The following EVC2 variants were observed in gnomAD, a reference collection of about 807,000 sequenced individuals.
EVC2 encodes the protein EvC ciliary complex subunit 2, also known as limbin.
EVC2 carries 148 observed loss-of-function variants against 149.3 expected under a neutral mutation model. The observed-to-expected ratio is 0.99, with a 90% CI of 0.87 to 1.14. The LOEUF (loss-of-function observed/expected upper bound fraction) is 1.14. Among genes scored for constraint, EVC2 ranks in the 50% most tolerant of loss-of-function variants. The pLI is 0.00. For missense variants in EVC2, 1,854 were observed against 1,627.3 expected (o/e 1.14, Z -2.40); for synonymous variants, 776 against 649.9 (o/e 1.19, Z -2.95).
At chr4:5,685,287 G>A (rs1324861649) in intron 6 of EVC2, 83 bp downstream of exon 6, 2 of 1,304,940 alleles carry the variant, frequency 1.5e-6, no homozygotes, top group African/African-American at 2.9e-5. Context: ...GAACTAACAG[G>A]TCTTCTGTCT....
chr4:5,542,740 C>A (rs1434663267), downstream of EVC2: 6 of 187,726 alleles, frequency 3.2e-5, no homozygotes, highest in South Asian at 6.6e-4. Flanking sequence ...GGTTATTACA[C>A]ATGAAGTGCT....
At chr4:5,568,753 T>C in intron 19 of EVC2, 113 bp from the exon 20 acceptor site, 5 of 1,222,212 alleles carry the variant, frequency 4.1e-6, no homozygotes, top group Admixed American at 2.0e-5. Context: ...AATATTTCAG[T>C]AGCTTAGTCT....
intron 16 of EVC2, among the ~76,000 whole-genome samples, chr4:5,612,481 C>G (rs796741064): frequency 5.9e-5 from 9 of 152,224 alleles, no homozygotes; most frequent in African/African-American, 2.2e-4. Flanking sequence ...GGGATTGGAG[C>G]TGGGCTTTAG....
chr4:5,599,813 T>G (rs1469173752), intron 16 of EVC2, among the ~76,000 whole-genome samples: 1 of 152,162 alleles, frequency 6.6e-6, no homozygotes, highest in Non-Finnish European at 1.5e-5. Context: ...GGGTTCAAGA[T>G]ACCCAGAGCA....
At chr4:5,654,459 T>C (rs1167145283) in intron 9 of EVC2, among the ~76,000 whole-genome samples, 4 of 152,172 alleles carry the variant, frequency 2.6e-5, no homozygotes, top group Admixed American at 1.3e-4. Flanking sequence ...TTTACATCCT[T>C]GAGGTTTCAA....
chr4:5,639,128 AC>A (rs1359163067), intron 10 of EVC2, among the ~76,000 whole-genome samples: 1 of 152,028 alleles, frequency 6.6e-6, no homozygotes, highest in Non-Finnish European at 1.5e-5. Context: ...ACCACAGATG[AC>A]CATCTGTGAG....
intron 9 of EVC2, among the ~76,000 whole-genome samples, chr4:5,645,333 T>C (rs1717635437): frequency 6.6e-6 from 1 of 151,920 alleles, no homozygotes; most frequent in Non-Finnish European, 1.5e-5. Context: ...CATGGGGGTT[T>C]GTTGTGCATA....
rs1457688911 is a variant in EVC2, at chr4:5,677,885, C to G, written c.870+3375G>C. The stretch of plus-strand genomic sequence containing the variant: ...CAGCCTCACTAAACTGAACACTCAC[C>G]TAACGCCAGCCTTGTACTTTCTCTT... On this transcript the variant is annotated intron_variant, in intron 7 of 21. Coordinates refer to ENST00000344408, the MANE Select transcript of EVC2 (RefSeq NM_147127.5). This position sits in a 1 kb window ranked among gnomAD's most constrained non-coding sequence, Gnocchi z 4.3. Among the ~76,000 whole-genome samples, 1 of 152,226 alleles carries G rather than the reference C, an allele frequency of 6.6e-6. No individual in the cohort carries two copies. Among genetic ancestry groups the G allele is most frequent in the Admixed American group, 6.5e-5 (1 of 15,284 alleles).
At chr4:5,631,583 AAT>A (rs765622018) in intron 11 of EVC2, among the ~76,000 whole-genome samples, 12 of 151,724 alleles carry the variant, frequency 7.9e-5, no homozygotes, top group Admixed American at 3.3e-4. Flanking sequence ...GGGGAACTGA[AAT>A]TCCAATCCAG....
At chr4:5,706,283 G>A (rs1396313218) in intron 1 of EVC2, among the ~76,000 whole-genome samples, 1 of 80,654 alleles carries the variant, frequency 1.2e-5, no homozygotes. Flanking sequence ...CTTAGCAAAG[G>A]TGCAATAAAT....
chr4:5,667,347 G>T (rs180810770), intron 7 of EVC2, among the ~76,000 whole-genome samples: 171 of 151,606 alleles, frequency 1.1e-3, no homozygotes, highest in East Asian at 6.6e-3. Context: ...TGTAATAAGA[G>T]ATAATAATAA....
At chr4:5,691,718 G>A (rs1025780636) in intron 3 of EVC2, among the ~76,000 whole-genome samples, 27 of 152,214 alleles carry the variant, frequency 1.8e-4, no homozygotes, top group African/African-American at 6.0e-4. Flanking sequence ...ACCATGGTGC[G>A]CTGGAACAAA....
At chr4:5,678,369 A>G (rs1331094780) in intron 7 of EVC2, among the ~76,000 whole-genome samples, 2 of 152,214 alleles carry the variant, frequency 1.3e-5, no homozygotes, top group Admixed American at 6.5e-5. Flanking sequence ...GAGATGAAGC[A>G]TCCCCTCTGT....
chr4:5,573,014 G>C (rs1380754114), intron 19 of EVC2, among the ~76,000 whole-genome samples: 1 of 152,146 alleles, frequency 6.6e-6, no homozygotes, highest in Non-Finnish European at 1.5e-5. Context: ...TCATAAAACA[G>C]GATAATACTG....
In EVC2 at chr4:5,576,620, C is replaced by T. The variant is rs542838159; in HGVS notation, c.3058-166G>A. On this transcript the variant is annotated intron_variant, in intron 17 of 21. Coordinates refer to ENST00000344408, the MANE Select transcript of EVC2 (RefSeq NM_147127.5). The surrounding 1 kb of genome is among the most constrained non-coding windows in gnomAD (Gnocchi z 4.5). ...GTGCAATGTGAGTGCACCACGATCT[C>T]TCACCCCTGTGTCACCTCCATGCCT... Among the ~76,000 whole-genome samples the T allele has an allele frequency of 6.6e-6, 1 of 152,296 alleles. No individual in the cohort carries two copies. The highest frequency in any genetic ancestry group is 1.9e-4 in the East Asian group (1 of 5,172).
chr4:5,669,501 T>G (rs982511106), intron 7 of EVC2, among the ~76,000 whole-genome samples: 1 of 152,220 alleles, frequency 6.6e-6, no homozygotes, highest in South Asian at 2.1e-4. Context: ...CTAAAATGTT[T>G]TTAGTCCTAA....
At chr4:5,698,129 T>C (rs944719794) in intron 1 of EVC2, among the ~76,000 whole-genome samples, 2 of 152,124 alleles carry the variant, frequency 1.3e-5, no homozygotes, top group African/African-American at 4.8e-5. Context: ...GAGTAAAGAA[T>C]TCCCTTCTCT....
chr4:5,696,656 C>T lies in EVC2; in HGVS notation c.283+937G>A, dbSNP rs1056038353. Reference sequence around the variant, plus strand: ...AGATGCTCACCAGAGGAAAGCAGGGCGGCTGAGAGGGAAGGAGAAAGGCAG... The same window carrying T: ...AGATGCTCACCAGAGGAAAGCAGGGTGGCTGAGAGGGAAGGAGAAAGGCAG... On this transcript the variant is annotated intron_variant, in intron 2 of 21. Transcript: ENST00000344408. The surrounding 1 kb of genome is among the most constrained non-coding windows in gnomAD (Gnocchi z 4.1). Among the ~76,000 whole-genome samples the T allele has an allele frequency of 2.6e-5, 4 of 152,124 alleles. No homozygotes were observed. The highest frequency in any genetic ancestry group is 5.9e-5 in the Non-Finnish European group (4 of 68,038).
chr4:5,650,638 T>TATATATAGAGAGAGAGAGAG (rs1162935817), intron 9 of EVC2, among the ~76,000 whole-genome samples: 1 of 45,090 alleles, frequency 2.2e-5, no homozygotes, highest in Non-Finnish European at 4.0e-5. Context: ...TATATATATA[T>TATATATAGAGAGAGAGAGAG]AGAGAGAGAG....
Sources: allele counts gnomAD v4.1 joint callset (sites outside exome capture counted in the v4.1 genomes callset), GRCh38; gene constraint gnomAD v4.1.1; non-coding constraint Gnocchi (gnomAD v3.1); transcripts MANE v1.5; gene names NCBI Gene and HGNC (gene_info 2026-07-23, HGNC 2026-07-21).